THSD7B: variants seen among roughly 807,000 people sequenced by gnomAD.
THSD7B encodes the protein thrombospondin type-1 domain-containing protein 7B.
Under a neutral mutation model 213.6 loss-of-function variants are expected in THSD7B, and 138 were observed. The observed-to-expected ratio is 0.65, with a 90% confidence interval of 0.56 to 0.74. THSD7B has a LOEUF of 0.74. Among genes scored for constraint, THSD7B ranks in the 30% least tolerant of loss-of-function variants. The pLI is 0.00. For synonymous variants in THSD7B, 742 were observed against 687.0 expected, an observed-to-expected ratio of 1.08 and a Z score of -1.25; for missense variants, 1,931 against 1,991.5, an observed-to-expected ratio of 0.97 and a Z score of 0.58.
chr2:137,366,544 G>A (rs929265368), intron 12 of THSD7B, among the ~76,000 whole-genome samples: 5 of 151,562 alleles, frequency 3.3e-5, no homozygotes, highest in Admixed American at 1.3e-4. Context: ...ATCACAAATG[G>A]TTTCTCCTTC....
chr2:136,890,303 C>CCTCCTCTTCTTCTTCTTCTTCTTCTTCTT lies in THSD7B; in HGVS notation c.139+7988_139+7989insCCTCTTCTTCTTCTTCTTCTTCTTCTTCT, dbSNP rs1553455794. 1.2e-3 allele frequency among the ~76,000 whole-genome samples: 6 copies of CCTCCTCTTCTTCTTCTTCTTCTTCTTCTT among 5,162 alleles called. 2 individuals carry two copies. The highest frequency in any genetic ancestry group is 2.0e-3 in the Non-Finnish European group (4 of 2,048). The allele number at this position is 5,162 out of a possible 152,430, so 3.4% of individuals were successfully genotyped here. On this transcript the variant is annotated intron_variant, in intron 2 of 27. Coordinates refer to ENST00000409968, the MANE Select transcript of THSD7B (RefSeq NM_001316349.2). ...TGCTCATTCATGTCCATGTCCTACT[C>CCTCCTCTTCTTCTTCTTCTTCTTCTTCTT]CTTCTTCTTCTTCTTCTTCTTCTTC... is the stretch of plus-strand genomic sequence containing the variant.
intron 3 of THSD7B, among the ~76,000 whole-genome samples, chr2:137,065,690 C>T (rs1687361806): frequency 6.6e-6 from 1 of 151,396 alleles, no homozygotes; most frequent in Non-Finnish European, 1.5e-5. Context: ...TCTTTCTTAG[C>T]ATATCAGTTA....
intron 12 of THSD7B, among the ~76,000 whole-genome samples, chr2:137,383,553 C>T (rs561449610): frequency 5.9e-5 from 9 of 152,286 alleles, no homozygotes; most frequent in East Asian, 1.9e-4. Context: ...TGTGACTCAG[C>T]GAGTTTGGAG....
intron 12 of THSD7B, among the ~76,000 whole-genome samples, chr2:137,349,068 T>C (rs192563730): frequency 1.0e-3 from 154 of 151,744 alleles, no homozygotes; most frequent in African/African-American, 3.3e-3. Context: ...TTTCCATAAA[T>C]TGGGATAAAG....
At chr2:137,213,090 C>T (rs1558960754) in intron 7 of THSD7B, among the ~76,000 whole-genome samples, 1 of 149,288 alleles carries the variant, frequency 6.7e-6, no homozygotes, top group Non-Finnish European at 1.5e-5. Context: ...TTTTGTAAGC[C>T]TAAATTTGAA....
chr2:137,045,062 A>T (rs1354645150), intron 2 of THSD7B, among the ~76,000 whole-genome samples: 1 of 152,220 alleles, frequency 6.6e-6, no homozygotes, highest in East Asian at 1.9e-4. Context: ...CTGTGGCTGT[A>T]ACTTTTGCAG....
At chr2:137,560,773 T>C (rs1681097831) in intron 15 of THSD7B, among the ~76,000 whole-genome samples, 1 of 151,964 alleles carries the variant, frequency 6.6e-6, no homozygotes, top group Non-Finnish European at 1.5e-5. Flanking sequence ...GTGCTGACTT[T>C]TTTGAGTGTT....
chr2:136,956,680 CTTTTCTTTTTTTTT>C (rs2105079324), intron 2 of THSD7B, among the ~76,000 whole-genome samples: 1 of 146,164 alleles, frequency 6.8e-6, no homozygotes, highest in East Asian at 2.0e-4. Flanking sequence ...AATTTTTTTT[CTTTTCTTTTTTTTT>C]TTTGAGACAG....
intron 20 of THSD7B, among the ~76,000 whole-genome samples, chr2:137,628,113 T>A (rs1682667932): frequency 6.6e-6 from 1 of 152,220 alleles, no homozygotes. Context: ...AACAGACACA[T>A]CATGAGTGTT....
chr2:137,325,885 T>C (rs1471064920), intron 12 of THSD7B, among the ~76,000 whole-genome samples: 1 of 152,218 alleles, frequency 6.6e-6, no homozygotes, highest in Non-Finnish European at 1.5e-5. Context: ...TTCCGTTGGC[T>C]TCACAACCCC....
At chr2:137,397,751 C>A (rs2104990574) in intron 12 of THSD7B, among the ~76,000 whole-genome samples, 1 of 151,960 alleles carries the variant, frequency 6.6e-6, no homozygotes, top group Non-Finnish European at 1.5e-5. Flanking sequence ...GGATAATATC[C>A]TGCAGAGTGT....
chr2:137,134,179 C>T (rs1387108325), intron 5 of THSD7B, among the ~76,000 whole-genome samples: 5 of 152,254 alleles, frequency 3.3e-5, no homozygotes, highest in African/African-American at 4.8e-5. Context: ...TTTGGACTGG[C>T]GGTAACTTGT....
At chr2:136,910,168 A>G (rs1484134940) in intron 2 of THSD7B, among the ~76,000 whole-genome samples, 1 of 152,066 alleles carries the variant, frequency 6.6e-6, no homozygotes, top group African/African-American at 2.4e-5. Flanking sequence ...GGAGAAAGCA[A>G]GGTGAACTAC....
intron 15 of THSD7B, among the ~76,000 whole-genome samples, chr2:137,496,241 G>A (rs1195832639): frequency 3.3e-5 from 5 of 152,150 alleles, no homozygotes; most frequent in African/African-American, 4.8e-5. Context: ...TAGATTCCAG[G>A]TCCAATGCTC....
At chr2:136,959,913 TGACTGGAGGAA>T (rs1384419785) in intron 2 of THSD7B, among the ~76,000 whole-genome samples, 1 of 152,154 alleles carries the variant, frequency 6.6e-6, no homozygotes, top group African/African-American at 2.4e-5. Flanking sequence ...CCAGGACACT[TGACTGGAGGAA>T]GACATTCTTA....
At chr2:136,800,656 G>A (rs1047222729) in intron 1 of THSD7B, among the ~76,000 whole-genome samples, 2 of 151,752 alleles carry the variant, frequency 1.3e-5, no homozygotes, top group Non-Finnish European at 2.9e-5. Context: ...AAGATGAGCC[G>A]TTTTTCAAGT....
chr2:137,344,353 A>G (rs1041588380), intron 12 of THSD7B, among the ~76,000 whole-genome samples: 2 of 151,740 alleles, frequency 1.3e-5, no homozygotes, highest in African/African-American at 4.8e-5. Flanking sequence ...GAGTTTTCTA[A>G]TATGAGAATA....
At chr2:136,766,738 C>T (rs1284658309) in intron 1 of THSD7B, among the ~76,000 whole-genome samples, 6 of 152,114 alleles carry the variant, frequency 3.9e-5, no homozygotes, top group Admixed American at 3.9e-4. Context: ...GGTGAAGTTC[C>T]ACTAAGATTA....
chr2:137,392,841 T>C lies in THSD7B; in HGVS notation c.2501-12772T>C, dbSNP rs1191037746. 2.0e-5 allele frequency among the ~76,000 whole-genome samples: 3 copies of C among 152,248 alleles called. No homozygotes were observed. The East Asian group carries it at 5.8e-4, about 29-fold the overall frequency. On this transcript the variant is annotated intron_variant, in intron 12 of 27. Transcript: ENST00000409968. ...TGTCATATTTGTCTTTAGGTGAAAT[T>C]GTCTTTAGGTGAAATTCTGTTGTGT...
Sources: allele counts gnomAD v4.1 joint callset (sites outside exome capture counted in the v4.1 genomes callset), GRCh38; gene constraint gnomAD v4.1.1; transcripts MANE v1.5; gene names NCBI Gene and HGNC (gene_info 2026-07-23, HGNC 2026-07-21).